Variants in UQCRC1 observed in about 807,000 individuals in gnomAD.
The protein encoded by UQCRC1 is cytochrome b-c1 complex subunit 1, mitochondrial.
In UQCRC1, 34 loss-of-function variants were observed where a neutral mutation model predicts 58.0. The ratio of observed to expected loss-of-function variants is 0.59; its 90% confidence interval spans 0.45 to 0.78. The LOEUF (loss-of-function observed/expected upper bound fraction) is 0.78. Among genes scored for constraint, UQCRC1 ranks in the 30% least tolerant of loss-of-function variants. UQCRC1 has a pLI of 0.00. For synonymous variants in UQCRC1, 276 were observed against 248.8 expected (o/e 1.11, Z -1.03); for missense variants, 610 against 646.0 (o/e 0.94, Z 0.60).
At position 48,609,634 on chromosome 3, in the gene UQCRC1, T is replaced by C. The variant is rs1559458613; in HGVS notation, c.-14A>G. Reference sequence around the variant, plus strand: ...GGACGCCGCCATCTTCCAGCTGCAGTCGGCCCTGTTGCGCCGCGCAAGCGT... The same window carrying C: ...GGACGCCGCCATCTTCCAGCTGCAGCCGGCCCTGTTGCGCCGCGCAAGCGT... On this transcript the variant is annotated 5_prime_UTR_variant, in exon 1 of 13. Transcript: ENST00000203407. 2.6e-6 allele frequency: 4 copies of C among 1,553,902 alleles called. No homozygotes were observed. The highest frequency in any genetic ancestry group is 1.2e-5 in the South Asian group (1 of 84,956).
At chr3:48,599,735 C>T (rs1444030568) in intron 11 of UQCRC1, 25 bp from the exon 12 acceptor site, 4 of 1,612,634 alleles carry the variant, frequency 2.5e-6, no homozygotes, top group Admixed American at 1.7e-5. Context: ...AGAGGGCATA[C>T]TGGCTAACGG....
chr3:48,599,462 G>T (rs2046341831), intron 12 of UQCRC1, 173 bp downstream of exon 12: 18 of 749,714 alleles, frequency 2.4e-5, no homozygotes, highest in Non-Finnish European at 3.9e-5. Context: ...GAACTGCTGG[G>T]ACAGGTTTTC....
intron 2 of UQCRC1, among the ~76,000 whole-genome samples, chr3:48,608,132 G>A (rs1404622298): frequency 6.6e-6 from 1 of 152,160 alleles, no homozygotes; most frequent in Non-Finnish European, 1.5e-5. Context: ...CCATTAAGTA[G>A]TTTCTCATCA....
intron 12 of UQCRC1, 79 bp from the exon 13 acceptor site, chr3:48,599,271 G>A (rs971815047): frequency 3.3e-5 from 48 of 1,445,428 alleles, no homozygotes; most frequent in East Asian, 9.2e-5. Flanking sequence ...CACCCAGCTC[G>A]GAGATGCTGC....
rs533718471 is a variant in UQCRC1, at chr3:48,601,369, G to A, written c.805C>T (p.Arg269Cys). Residue 269 changes from arginine to cysteine, a missense_variant, in exon 7 of 13, where the codon CGC (arginine) becomes TGC (cysteine). Arg to Cys is a radical substitution (Grantham distance 180). Coordinates refer to ENST00000203407, the MANE Select transcript of UQCRC1 (RefSeq NM_003365.3). Reference sequence around the variant, plus strand: ...CAGCATACCTCACTGCCAGTGAAGCGGCATGGAGTAAGAGTGGGCACAGCG... The same window carrying A: ...CAGCATACCTCACTGCCAGTGAAGCAGCATGGAGTAAGAGTGGGCACAGCG... ...EDAVPTLTPC[R>C]FTGSEIRHRD... 160 of 1,614,178 alleles carry A rather than the reference G, an allele frequency of 9.9e-5. No individual in the cohort carries two copies. Among genetic ancestry groups the A allele is most frequent in the South Asian group, 7.0e-4 (64 of 91,082 alleles).
chr3:48,599,559 G>A, intron 12 of UQCRC1, 76 bp downstream of exon 12: 1 of 1,516,522 alleles, frequency 6.6e-7, no homozygotes, highest in Non-Finnish European at 9.1e-7. Flanking sequence ...CAGCAGTGCG[G>A]GAGCAGAGGT....
chr3:48,606,689 A>G (rs2046415813), intron 2 of UQCRC1, among the ~76,000 whole-genome samples: 1 of 151,360 alleles, frequency 6.6e-6, no homozygotes, highest in Admixed American at 6.6e-5. Context: ...GGATGTAGTG[A>G]GCCAAGATCG....
chr3:48,600,675 C>T lies in UQCRC1; in HGVS notation c.1127+5G>A. Reference sequence around the variant, plus strand: ...CCCACCTAGGAATACCAGGCTGCCACTTACCACTGCCCTTGCAGGACGAAC... The same window carrying T: ...CCCACCTAGGAATACCAGGCTGCCATTTACCACTGCCCTTGCAGGACGAAC... On this transcript the variant is annotated splice_donor_5th_base_variant and intron_variant, in intron 9 of 12. Coordinates refer to ENST00000203407, the MANE Select transcript of UQCRC1 (RefSeq NM_003365.3). 2 of 1,614,206 alleles carry T rather than the reference C, an allele frequency of 1.2e-6. No homozygotes were observed. The highest frequency in any genetic ancestry group is 1.7e-6 in the Non-Finnish European group (2 of 1,180,034).
chr3:48,604,350 C>T lies in UQCRC1; in HGVS notation c.509G>A (p.Arg170Gln), dbSNP rs1192729535. Residue 170 changes from arginine to glutamine, a missense_variant, in exon 5 of 13, where the codon CGG becomes CAG. Transcript: ENST00000203407. ...QIEKERDVIL[R>Q]EMQENDASMR... ...AGATGCATCATTCTCCTGCATCTCC[C>T]GCAGGATCACATCACGTTCCTTCTC... 2.5e-6 allele frequency: 4 copies of T among 1,614,122 alleles called. No homozygotes were observed. Among genetic ancestry groups the T allele is most frequent in the African/African-American group, 1.3e-5 (1 of 75,032 alleles).
intron 2 of UQCRC1, among the ~76,000 whole-genome samples, chr3:48,607,430 C>G (rs2046424233): frequency 6.6e-6 from 1 of 152,196 alleles, no homozygotes; most frequent in Non-Finnish European, 1.5e-5. Context: ...CTGCCTCGGT[C>G]TCCCAAAGTG....
chr3:48,602,777 C>A (rs1273182326), intron 6 of UQCRC1, among the ~76,000 whole-genome samples: 3 of 152,080 alleles, frequency 2.0e-5, no homozygotes, highest in Non-Finnish European at 2.9e-5. Flanking sequence ...CCCACCTCGG[C>A]CTTCCAAAGT....
rs1478502019 is a variant in UQCRC1 at position 48,600,970 on chromosome 3, C to T, written c.966+5G>A. ...GCGAGGTCCCATGCTCGCGCTGGCA[C>T]TCACCACGCCACCACCATAAGTGCA... On this transcript the variant is annotated splice_donor_5th_base_variant and intron_variant, in intron 8 of 12. Coordinates refer to ENST00000203407, the MANE Select transcript of UQCRC1 (RefSeq NM_003365.3). The T allele has an allele frequency of 6.2e-7, 1 of 1,602,558 alleles. No homozygotes were observed. Among genetic ancestry groups the T allele is most frequent in the Non-Finnish European group, 8.5e-7 (1 of 1,171,216 alleles).
At chr3:48,600,900 C>T in intron 8 of UQCRC1, 60 bp from the exon 9 acceptor site, 1 of 1,610,662 alleles carries the variant, frequency 6.2e-7, no homozygotes, top group Non-Finnish European at 8.5e-7. Flanking sequence ...ACTGTGACCC[C>T]CACGCACAGG....
At position 48,604,641 on chromosome 3, in the gene UQCRC1, C is replaced by T; in HGVS notation, c.427+10G>A. ...TGCCCTCTGTCCCCGCCTCTTCCTCCAGGTGTTACCTTTCGGCAGATCCTT... is the reference window on the plus strand; with the variant it reads ...TGCCCTCTGTCCCCGCCTCTTCCTCTAGGTGTTACCTTTCGGCAGATCCTT... On this transcript the variant is annotated intron_variant, in intron 4 of 12. Transcript: ENST00000203407. 1 of 1,614,162 alleles carries T rather than the reference C, an allele frequency of 6.2e-7. No homozygotes were observed. Among genetic ancestry groups the T allele is most frequent in the Non-Finnish European group, 8.5e-7 (1 of 1,180,018 alleles).
At chr3:48,604,895 A>T in intron 3 of UQCRC1, 115 bp from the exon 4 acceptor site, 1 of 1,431,388 alleles carries the variant, frequency 7.0e-7, no homozygotes, top group Non-Finnish European at 9.5e-7. Flanking sequence ...CCCTCAGCAT[A>T]GACTCTGGGG....
chr3:48,605,146 A>C (rs868261340), intron 3 of UQCRC1, among the ~76,000 whole-genome samples: 1 of 152,184 alleles, frequency 6.6e-6, no homozygotes, highest in Non-Finnish European at 1.5e-5. Context: ...TGTTCAAGTG[A>C]TAGAACCCAC....
Position 48,599,750 on chromosome 3 carries a change from C to T in UQCRC1, c.1303-40G>A, listed in dbSNP as rs771650482. 2.5e-6 allele frequency: 4 copies of T among 1,596,324 alleles called. No homozygotes were observed. In the South Asian group the frequency reaches 4.4e-5, roughly 18 times the overall value. ...AGAGGGCATACTGGCTAACGGGCACCTGGCCACCACCTCAGCCAGTCAGCA... is the reference window on the plus strand; with the variant it reads ...AGAGGGCATACTGGCTAACGGGCACTTGGCCACCACCTCAGCCAGTCAGCA... On this transcript the variant is annotated intron_variant, in intron 11 of 12. Coordinates refer to ENST00000203407, the MANE Select transcript of UQCRC1 (RefSeq NM_003365.3).
chr3:48,599,031 C>A lies in UQCRC1; in HGVS notation c.*97G>T. On this transcript the variant is annotated 3_prime_UTR_variant, in exon 13 of 13. Coordinates refer to ENST00000203407, the MANE Select transcript of UQCRC1 (RefSeq NM_003365.3). ...CAGCAGAGGATTTTATTGGTGGTCACCTGTGGCACAGGTTAGAGGAGCCGA... is the reference window on the plus strand; with the variant it reads ...CAGCAGAGGATTTTATTGGTGGTCAACTGTGGCACAGGTTAGAGGAGCCGA... 7.1e-7 allele frequency: 1 copy of A among 1,413,900 alleles called. No homozygotes were observed. The allele number at this position is 1,413,900 out of a possible 1,614,324, so 87.6% of individuals were successfully genotyped here.
Position 48,599,978 on chromosome 3 carries a change from C to G in UQCRC1, c.1302+85G>C. The G allele has an allele frequency of 2.0e-6, 3 of 1,532,120 alleles. No individual in the cohort carries two copies. The South Asian group carries it at 3.4e-5, about 18-fold the overall frequency. 94.9% of individuals were successfully genotyped at this position (1,532,120 alleles called of 1,614,324 possible). On this transcript the variant is annotated intron_variant, in intron 11 of 12. Transcript: ENST00000203407. ...CACCAGGGATGCCTATAGGAGCAGG[C>G]TGCGCTATGCCAGGCCCCAACCCTA...
Sources: gnomAD v4.1 joint callset for allele counts (sites outside exome capture counted in the v4.1 genomes callset) on GRCh38, gnomAD v4.1.1 for gene constraint, MANE v1.5 for transcripts, NCBI Gene and HGNC (gene_info 2026-07-23, HGNC 2026-07-21) for gene names.